The following PTPRT variants were observed in gnomAD, a reference collection of about 807,000 sequenced individuals.
The protein encoded by PTPRT is protein tyrosine phosphatase receptor type T.
Under a neutral mutation model 176.8 loss-of-function variants are expected in PTPRT, and 56 were observed. The ratio of observed to expected loss-of-function variants is 0.32; its 90% confidence interval spans 0.26 to 0.40. The LOEUF (loss-of-function observed/expected upper bound fraction) is 0.40. Among genes scored for constraint, PTPRT ranks in the 10% least tolerant of loss-of-function variants. The pLI is 1.00. For synonymous variants in PTPRT, 783 were observed against 739.0 expected (o/e 1.06, Z -0.96); for missense variants, 1,540 against 1,908.2 (o/e 0.81, Z 3.60).
the PTPRT span, among the ~76,000 whole-genome samples, chr20:42,035,992 A>T: frequency 6.6e-6 from 1 of 152,186 alleles, no homozygotes; most frequent in Non-Finnish European, 1.5e-5. Context: ...AACAGGACAA[A>T]CTATGACTAG....
At chr20:42,359,425 T>C (rs1261030016) in intron 9 of PTPRT, among the ~76,000 whole-genome samples, 1 of 152,180 alleles carries the variant, frequency 6.6e-6, no homozygotes, top group South Asian at 2.1e-4. Context: ...AGCCAACACA[T>C]GGCCCCAGAC....
intron 6 of PTPRT, among the ~76,000 whole-genome samples, chr20:42,735,596 T>C (rs1215037198): frequency 1.3e-5 from 2 of 152,194 alleles, no homozygotes; most frequent in African/African-American, 2.4e-5. Flanking sequence ...GCCCTGTCAT[T>C]AGCAGTTGCT....
At chr20:42,634,521 C>G (rs147007280) in intron 7 of PTPRT, among the ~76,000 whole-genome samples, 1 of 151,868 alleles carries the variant, frequency 6.6e-6, no homozygotes, top group Admixed American at 6.6e-5. Context: ...AATCTCTGAA[C>G]TTCAGGGTTG....
intron 11 of PTPRT, among the ~76,000 whole-genome samples, chr20:42,326,345 G>A (rs1330782241): frequency 6.6e-6 from 1 of 152,092 alleles, no homozygotes; most frequent in African/African-American, 2.4e-5. Context: ...TGTGACCAAT[G>A]CAATAAGACA....
intron 15 of PTPRT, among the ~76,000 whole-genome samples, chr20:42,220,889 A>G (rs2055870665): frequency 6.6e-6 from 1 of 152,218 alleles, no homozygotes; most frequent in Non-Finnish European, 1.5e-5. Flanking sequence ...TATTTCTCCA[A>G]TGTAGATGAT....
At chr20:42,866,927 A>G (rs909369238) in intron 2 of PTPRT, among the ~76,000 whole-genome samples, 8 of 152,364 alleles carry the variant, frequency 5.3e-5, no homozygotes, top group African/African-American at 1.9e-4. Context: ...ACTTAATAAA[A>G]GAAAGATGAC....
chr20:42,801,717 T>C (rs867796590), intron 2 of PTPRT, among the ~76,000 whole-genome samples: 1 of 152,176 alleles, frequency 6.6e-6, no homozygotes. Flanking sequence ...TACAACTTTC[T>C]GGAGCAAATA....
chr20:43,065,761 AG>A (rs2146260781), intron 1 of PTPRT, among the ~76,000 whole-genome samples: 1 of 152,334 alleles, frequency 6.6e-6, no homozygotes, highest in South Asian at 2.1e-4. Context: ...AAGGTCTAAG[AG>A]GGAAGACAAG....
intron 9 of PTPRT, among the ~76,000 whole-genome samples, chr20:42,441,765 C>T (rs956990139): frequency 6.6e-6 from 1 of 152,168 alleles, no homozygotes; most frequent in Admixed American, 6.5e-5. Context: ...CTGGGGGCAA[C>T]GGATGACGCT....
intron 7 of PTPRT, among the ~76,000 whole-genome samples, chr20:42,574,588 G>T (rs901819640): frequency 6.6e-6 from 1 of 152,136 alleles, no homozygotes; most frequent in Non-Finnish European, 1.5e-5. Flanking sequence ...AAGAACAAAG[G>T]GCAGTGGCAG....
At chr20:42,582,922 G>T (rs1274601299) in intron 7 of PTPRT, among the ~76,000 whole-genome samples, 1 of 152,116 alleles carries the variant, frequency 6.6e-6, no homozygotes, top group African/African-American at 2.4e-5. Flanking sequence ...TTACTAAGAA[G>T]TGCTTGTCCT....
At chr20:42,688,663 C>G (rs543820425) in intron 6 of PTPRT, 1 of 152,162 alleles carries the variant, frequency 6.6e-6, no homozygotes, top group South Asian at 2.1e-4. Flanking sequence ...TACAAATTGC[C>G]CAAGGTCATG....
chr20:42,256,187 C>G (rs567370446), intron 13 of PTPRT, among the ~76,000 whole-genome samples: 1 of 152,202 alleles, frequency 6.6e-6, no homozygotes, highest in African/African-American at 2.4e-5. Context: ...TGCTGGGCAA[C>G]TTTCTGGCTC....
intron 1 of PTPRT, among the ~76,000 whole-genome samples, chr20:43,153,661 C>G (rs1419797083): frequency 1.3e-5 from 2 of 152,084 alleles, no homozygotes; most frequent in African/African-American, 4.8e-5. Context: ...CAGATTCAGA[C>G]AACATGGCCT....
intron 16 of PTPRT, among the ~76,000 whole-genome samples, chr20:42,171,866 G>C (rs939219587): frequency 6.6e-6 from 1 of 151,898 alleles, no homozygotes; most frequent in African/African-American, 2.4e-5. Flanking sequence ...CATAATCCAA[G>C]GCACATTAAT....
At chr20:42,855,063 T>C (rs2078537322) in intron 2 of PTPRT, among the ~76,000 whole-genome samples, 1 of 152,212 alleles carries the variant, frequency 6.6e-6, no homozygotes, top group Admixed American at 6.5e-5. Flanking sequence ...TTTTGTTTGT[T>C]GTTGTTTTAG....
At chr20:42,265,055 G>A (rs889498879) in intron 13 of PTPRT, among the ~76,000 whole-genome samples, 1 of 152,188 alleles carries the variant, frequency 6.6e-6, no homozygotes, top group African/African-American at 2.4e-5. Flanking sequence ...CTAAGATAAT[G>A]AAGTTTTTTA....
At chr20:42,762,887 T>G (rs1419168794) in intron 5 of PTPRT, among the ~76,000 whole-genome samples, 1 of 152,270 alleles carries the variant, frequency 6.6e-6, no homozygotes, top group Admixed American at 6.5e-5. Context: ...CTTTTTCAAC[T>G]GCTTGCCTTG....
chr20:42,752,358 A>C (rs559742371), intron 6 of PTPRT, among the ~76,000 whole-genome samples: 1 of 152,214 alleles, frequency 6.6e-6, no homozygotes, highest in Non-Finnish European at 1.5e-5. Flanking sequence ...AGGTAATCCT[A>C]CATTCCTGTT....
Sources: allele counts gnomAD v4.1 joint callset (sites outside exome capture counted in the v4.1 genomes callset), GRCh38; gene constraint gnomAD v4.1.1; transcripts MANE v1.5; gene names NCBI Gene and HGNC (gene_info 2026-07-23, HGNC 2026-07-21).